Variants in ADGRL1 observed in about 807,000 individuals in gnomAD.
ADGRL1 encodes adhesion G protein-coupled receptor L1, also known as CIRL-1.
ADGRL1 carries 31 observed loss-of-function variants against 148.9 expected under a neutral mutation model. The ratio of observed to expected loss-of-function variants is 0.21; its 90% CI spans 0.16 to 0.28. ADGRL1 has a LOEUF of 0.28. ADGRL1 is among the 10% of genes least tolerant of loss of function. The probability of loss-of-function intolerance (pLI) is 1.00; values close to 1 mark genes in which losing one functional copy is unlikely to be tolerated. For synonymous variants in ADGRL1, 937 were observed against 900.3 expected (o/e 1.04, Z -0.73); for missense variants, 1,521 against 2,058.8 (o/e 0.74, Z 5.05).
intron 16 of ADGRL1, 46 bp downstream of exon 16, chr19:14,156,612 T>G (rs1485962089): frequency 5.9e-6 from 9 of 1,534,348 alleles, no homozygotes; most frequent in African/African-American, 1.4e-5. Context: ...AAGGCCAGCC[T>G]GGATGAAGGA....
Position 14,151,465 on chromosome 19 carries a change from G to A in ADGRL1, c.3818C>T (p.Ala1273Val), listed in dbSNP as rs776466371. 13 of 1,612,676 alleles carry A rather than the reference G, an allele frequency of 8.1e-6. No individual in the cohort carries two copies. In the East Asian group the frequency reaches 8.9e-5, roughly 11 times the overall value. Residue 1273 changes from alanine to valine, a missense_variant, in exon 23 of 23, where the codon GCG becomes GTG. Around this residue, in one of 8 missense-constraint regions of ADGRL1, gnomAD observed 390 missense variants for 375.0 expected, o/e 1.04. Coordinates refer to ENST00000361434, the MANE Select transcript of ADGRL1 (RefSeq NM_014921.5). ...PPRGRNLADA[A>V]AFEKMIISEL... is the part of the protein sequence containing the mutation. ...TGAGATGATCATCTTCTCAAAGGCC[G>A]CCGCATCGGCTAGGTTCCGGCCTCG...
intron 4 of ADGRL1, among the ~76,000 whole-genome samples, chr19:14,166,690 G>T (rs899127287): frequency 6.1e-5 from 9 of 148,554 alleles, no homozygotes; most frequent in Non-Finnish European, 1.0e-4. Context: ...TCTCCTGAAG[G>T]AGGCAAAAGA....
intron 18 of ADGRL1, among the ~76,000 whole-genome samples, chr19:14,153,842 T>C (rs185710331): frequency 4.8e-4 from 73 of 151,646 alleles, no homozygotes; most frequent in Admixed American, 1.4e-3. Context: ...TCCCAGCTAG[T>C]TGGCAGGAGA....
At position 14,155,924 on chromosome 19, in the gene ADGRL1, A is replaced by G; in HGVS notation, c.3125+186T>C. On this transcript the variant is annotated intron_variant, in intron 17 of 22. Transcript: ENST00000361434. This position sits in a 1 kb window ranked among gnomAD's most constrained non-coding sequence, Gnocchi z 5.0. ...ACCACAGGTTGGACGTGCTAATGAT[A>G]CGCTATCTAAGACCCATTAAGTAGG... 1.7e-6 allele frequency: 1 copy of G among 599,112 alleles called. No homozygotes were observed. Among genetic ancestry groups the G allele is most frequent in the Non-Finnish European group, 3.0e-6 (1 of 333,878 alleles). 37.1% of individuals were successfully genotyped at this position (599,112 alleles called of 1,614,324 possible). A position where few individuals can be genotyped will look rare whatever the true frequency, so the allele number is the denominator to read the frequency against.
chr19:14,155,798 A>G lies in ADGRL1; in HGVS notation c.3126-271T>C, dbSNP rs554906659. On this transcript the variant is annotated intron_variant, in intron 17 of 22. Transcript: ENST00000361434. This position sits in a 1 kb window ranked among gnomAD's most constrained non-coding sequence, Gnocchi z 5.0. ...ACTTCATTGTTTCTGCTAAATTTCC[A>G]GACCACTTAGGCTATATTTGCTGCC... 11 of 576,718 alleles carry G rather than the reference A, an allele frequency of 1.9e-5. No homozygotes were observed. Among genetic ancestry groups the G allele is most frequent in the African/African-American group, 1.9e-4 (10 of 53,592 alleles). 35.7% of individuals were successfully genotyped at this position (576,718 alleles called of 1,614,324 possible).
At chr19:14,151,636 G>A (rs372013971) in intron 22 of ADGRL1, 21 bp from the exon 23 acceptor site, 16 of 1,568,140 alleles carry the variant, frequency 1.0e-5, no homozygotes, top group African/African-American at 4.1e-5. Flanking sequence ...GAAAGGGGCT[G>A]GTCAGGTTGA....
chr19:14,152,680 G>A lies in ADGRL1; in HGVS notation c.3424-67C>T, dbSNP rs1161956416. The A allele has an allele frequency of 1.3e-6, 2 of 1,595,802 alleles. No individual in the cohort carries two copies. The highest frequency in any genetic ancestry group is 2.7e-5 in the African/African-American group (2 of 74,556). On this transcript the variant is annotated intron_variant, in intron 19 of 22. Transcript: ENST00000361434. This position sits in a 1 kb window ranked among gnomAD's most constrained non-coding sequence, Gnocchi z 6.1. ...CACCCTCTGGCGTCTTTCTGAGACT[G>A]CTCACCTGATCATCACGATCAGAAA...
intron 1 of ADGRL1, among the ~76,000 whole-genome samples, chr19:14,205,510 G>A (rs1972934567): frequency 6.6e-6 from 1 of 151,846 alleles, no homozygotes; most frequent in South Asian, 2.1e-4. Flanking sequence ...GGCTCCTCTG[G>A]GGCGCGGGGC....
At chr19:14,166,486 C>G (rs929761798) in intron 4 of ADGRL1, among the ~76,000 whole-genome samples, 1 of 151,936 alleles carries the variant, frequency 6.6e-6, no homozygotes, top group African/African-American at 2.4e-5. Context: ...CAATGGTGTC[C>G]CCTCCAGCCC....
At position 14,150,747 on chromosome 19, in the gene ADGRL1, G is replaced by A; in HGVS notation, c.*126C>T. ...CCCTGAGGGGACTGTAGGGCCCATG[G>A]CTGAGGGGCACCTGGAGAGAGTGGC... On this transcript the variant is annotated 3_prime_UTR_variant, in exon 23 of 23. Transcript: ENST00000361434. 1 of 1,199,754 alleles carries A rather than the reference G, an allele frequency of 8.3e-7. No individual in the cohort carries two copies. The highest frequency in any genetic ancestry group is 2.4e-5 in the East Asian group (1 of 40,834). The allele number at this position is 1,199,754 out of a possible 1,614,324, so 74.3% of individuals were successfully genotyped here. A position where few individuals can be genotyped will look rare whatever the true frequency, so the allele number is the denominator to read the frequency against.
At chr19:14,201,845 C>G (rs572616587) in intron 1 of ADGRL1, among the ~76,000 whole-genome samples, 13 of 152,258 alleles carry the variant, frequency 8.5e-5, no homozygotes, top group Non-Finnish European at 1.0e-4. Flanking sequence ...AGTAAACAAA[C>G]AAGCGCAGAA....
rs1599382396 is a variant in ADGRL1, at chr19:14,152,359, G to A, written c.3599C>T (p.Ala1200Val). ...GGAGGGATTGAAGCCCACTGACTCGGCGATGAGGGTGTTGTAGGGACTGGT... is the reference window on the plus strand; with the variant it reads ...GGAGGGATTGAAGCCCACTGACTCGACGATGAGGGTGTTGTAGGGACTGGT... ...GGTSPYNTLI[A>V]ESVGFNPSSP... is the part of the protein sequence containing the mutation. The change falls in exon 21 of 23, where the codon GCC becomes GTC. Residue 1200 changes from alanine (A) to valine (V), a missense_variant. Physicochemically the swap from Ala to Val is moderately conservative, Grantham distance 64. This residue lies in a region of ADGRL1 where 47 missense variants were observed against 64.6 expected (regional missense o/e 0.73). Coordinates refer to ENST00000361434, the MANE Select transcript of ADGRL1 (RefSeq NM_014921.5). This position sits in a 1 kb window ranked among gnomAD's most constrained non-coding sequence, Gnocchi z 6.1. 3 of 1,600,494 alleles carry A rather than the reference G, an allele frequency of 1.9e-6. No homozygotes were observed. The highest frequency in any genetic ancestry group is 2.6e-6 in the Non-Finnish European group (3 of 1,171,644).
chr19:14,190,256 C>T (rs1286108964), intron 1 of ADGRL1, among the ~76,000 whole-genome samples: 2 of 151,612 alleles, frequency 1.3e-5, no homozygotes, highest in East Asian at 1.9e-4. Context: ...CCATGCTGTA[C>T]CTTAGGTCTC....
intron 4 of ADGRL1, among the ~76,000 whole-genome samples, chr19:14,168,445 T>TGTGC (rs1343327146): frequency 6.6e-6 from 1 of 152,148 alleles, no homozygotes; most frequent in Non-Finnish European, 1.5e-5. Flanking sequence ...CGTGTGTGTG[T>TGTGC]GTGCGTGTGT....
chr19:14,172,847 A>T (rs1279258554), intron 3 of ADGRL1, among the ~76,000 whole-genome samples: 14 of 152,180 alleles, frequency 9.2e-5, no homozygotes, highest in Non-Finnish European at 1.5e-5. Context: ...TTATCCATCA[A>T]CTGTCACGGT....
chr19:14,167,838 G>A (rs1970124970), intron 4 of ADGRL1, among the ~76,000 whole-genome samples: 1 of 152,148 alleles, frequency 6.6e-6, no homozygotes, highest in South Asian at 2.1e-4. Flanking sequence ...GCTCCCCAGG[G>A]GCAAGTCTGA....
rs1361328512 is a variant in ADGRL1 at position 14,160,091 on chromosome 19, A to G, written c.1800+21T>C. ...GCAGGCGCCCTCCCCATACCAGGTC[A>G]GCGCCACCGCCAGGCCCCACCTTGT... On this transcript the variant is annotated intron_variant, in intron 8 of 22. Transcript: ENST00000361434. This position sits in a 1 kb window ranked among gnomAD's most constrained non-coding sequence, Gnocchi z 5.9. 6.4e-7 allele frequency: 1 copy of G among 1,560,242 alleles called. No individual in the cohort carries two copies. The highest frequency in any genetic ancestry group is 1.7e-5 in the Admixed American group (1 of 57,662).
intron 4 of ADGRL1, 24 bp from the exon 5 acceptor site, chr19:14,163,430 A>C (rs1416691243): frequency 7.2e-7 from 1 of 1,386,004 alleles, no homozygotes; most frequent in South Asian, 1.3e-5. Flanking sequence ...GCGGGAGGGG[A>C]GGAGGTAGGA....
At chr19:14,193,837 A>C (rs1449374212) in intron 1 of ADGRL1, among the ~76,000 whole-genome samples, 1 of 152,244 alleles carries the variant, frequency 6.6e-6, no homozygotes, top group African/African-American at 2.4e-5. Context: ...GTTAATGACC[A>C]AAAGAAGCCA....
Sources: allele counts gnomAD v4.1 joint callset (sites outside exome capture counted in the v4.1 genomes callset), GRCh38; gene constraint gnomAD v4.1.1; regional missense constraint gnomAD v4.1.1; non-coding constraint Gnocchi (gnomAD v3.1); transcripts MANE v1.5; gene names NCBI Gene and HGNC (gene_info 2026-07-23, HGNC 2026-07-21).